The following PTPRT variants were observed in gnomAD, a reference collection of about 807,000 sequenced individuals.
The protein encoded by PTPRT is receptor-type tyrosine-protein phosphatase T.
PTPRT carries 56 observed loss-of-function variants against 176.8 expected under a neutral mutation model. The ratio of observed to expected loss-of-function variants is 0.32; its 90% CI spans 0.26 to 0.40. The LOEUF is 0.40. Among genes scored for constraint, PTPRT ranks in the 10% least tolerant of loss-of-function variants. PTPRT has a pLI of 1.00. For synonymous variants in PTPRT, 783 were observed against 739.0 expected (o/e 1.06, Z -0.96); for missense variants, 1,540 against 1,908.2 (o/e 0.81, Z 3.60).
At chr20:42,532,618 G>C (rs990806074) in intron 7 of PTPRT, among the ~76,000 whole-genome samples, 6 of 152,172 alleles carry the variant, frequency 3.9e-5, no homozygotes, top group African/African-American at 1.4e-4. Flanking sequence ...GTGTTGCCCA[G>C]GTTAGTCTCA....
At chr20:42,667,174 T>C (rs1292366201) in intron 7 of PTPRT, among the ~76,000 whole-genome samples, 2 of 152,206 alleles carry the variant, frequency 1.3e-5, no homozygotes, top group African/African-American at 2.4e-5. Flanking sequence ...AACTGGGCCA[T>C]GGTGCATTAT....
chr20:43,008,545 G>A (rs1459479129), intron 1 of PTPRT, among the ~76,000 whole-genome samples: 1 of 152,018 alleles, frequency 6.6e-6, no homozygotes, highest in African/African-American at 2.4e-5. Context: ...ACAAAAGTTA[G>A]CTGGGCATGG....
chr20:43,047,061 G>A (rs997295415), intron 1 of PTPRT, among the ~76,000 whole-genome samples: 2 of 151,228 alleles, frequency 1.3e-5, no homozygotes, highest in African/African-American at 4.9e-5. Context: ...TTTCAATACC[G>A]CCCTCCCTTC....
intron 6 of PTPRT, among the ~76,000 whole-genome samples, chr20:42,734,058 T>A (rs2076501957): frequency 6.6e-6 from 1 of 152,218 alleles, no homozygotes. Context: ...TCTGAGATGC[T>A]TTTCCCTTAC....
At chr20:42,375,156 G>A (rs1284832126) in intron 9 of PTPRT, among the ~76,000 whole-genome samples, 1 of 152,118 alleles carries the variant, frequency 6.6e-6, no homozygotes, top group Non-Finnish European at 1.5e-5. Flanking sequence ...GTGTGTGTCG[G>A]GGGGACAGGG....
chr20:42,118,497 G>T lies in PTPRT; in HGVS notation c.2888C>A (p.Pro963Gln). 6.2e-7 allele frequency: 1 copy of T among 1,606,048 alleles called. No individual in the cohort carries two copies. Among genetic ancestry groups the T allele is most frequent in the Non-Finnish European group, 8.5e-7 (1 of 1,175,884 alleles). Residue 963 changes from proline (P) to glutamine (Q), a missense_variant, in exon 21 of 31, where the codon CCG becomes CAG. Transcript: ENST00000373187. ...AAAGTCCTTTACAGTCTCCTGCATC[G>T]GACCTGCCAACAGAGAAGACAGTGA... ...RPRHYIATQG[P>Q]MQETVKDFWR...
intron 1 of PTPRT, among the ~76,000 whole-genome samples, chr20:42,944,229 C>T (rs186706983): frequency 1.3e-5 from 2 of 151,902 alleles, no homozygotes; most frequent in African/African-American, 2.4e-5. Flanking sequence ...ATTTTAGAGC[C>T]GGGGGGCGGA....
chr20:42,724,890 A>G (rs1241820086), intron 6 of PTPRT, among the ~76,000 whole-genome samples: 1 of 152,132 alleles, frequency 6.6e-6, no homozygotes, highest in Non-Finnish European at 1.5e-5. Context: ...CAGTGGGCCC[A>G]GATAAATCAG....
At chr20:43,071,475 G>A (rs2011179352) in intron 1 of PTPRT, among the ~76,000 whole-genome samples, 1 of 152,088 alleles carries the variant, frequency 6.6e-6, no homozygotes, top group African/African-American at 2.4e-5. Context: ...TCTGCTTCAG[G>A]GAACCCAGTT....
intron 6 of PTPRT, among the ~76,000 whole-genome samples, chr20:42,718,137 TAC>T (rs763072444): frequency 4.6e-4 from 70 of 152,262 alleles, no homozygotes; most frequent in Non-Finnish European, 9.4e-4. Context: ...ACAGAATATT[TAC>T]AGTCACGTGG....
intron 2 of PTPRT, among the ~76,000 whole-genome samples, chr20:42,879,733 ATGTGTG>A (rs11468460): frequency 2.9e-4 from 43 of 149,078 alleles, no homozygotes; most frequent in East Asian, 2.4e-3. Flanking sequence ...GTTGGGTGAA[ATGTGTG>A]TGTGTGTGTG....
At position 42,959,801 on chromosome 20, in the gene PTPRT, C is replaced by T. The variant is rs150250267; in HGVS notation, c.89-73869G>A. Among the ~76,000 whole-genome samples, 24 of 152,266 alleles carry T rather than the reference C, an allele frequency of 1.6e-4. No individual in the cohort carries two copies. In the East Asian group the frequency reaches 3.9e-3, roughly 25 times the overall value. ...TTCTGTGAACAGCTGACACTGGCTG[C>T]AACTTGCAGAAAGATTTCCTAAGTC... On this transcript the variant is annotated intron_variant, in intron 1 of 30. Transcript: ENST00000373187.
At chr20:42,824,830 T>C (rs993611814) in intron 2 of PTPRT, among the ~76,000 whole-genome samples, 2 of 151,770 alleles carry the variant, frequency 1.3e-5, no homozygotes, top group Admixed American at 1.3e-4. Context: ...CATCAAAAAT[T>C]CTGAAAGCAA....
intron 9 of PTPRT, among the ~76,000 whole-genome samples, chr20:42,358,382 A>T (rs934115284): frequency 8.5e-5 from 13 of 152,188 alleles, no homozygotes; most frequent in Non-Finnish European, 8.8e-5. Flanking sequence ...GCCATGTACT[A>T]AGCTCTAGAG....
chr20:43,173,549 A>G (rs968883463), intron 1 of PTPRT, among the ~76,000 whole-genome samples: 3 of 152,232 alleles, frequency 2.0e-5, no homozygotes, highest in African/African-American at 4.8e-5. Context: ...TGTCCTGTGG[A>G]GAAAGTAAAC....
At position 42,288,447 on chromosome 20, in the gene PTPRT, C is replaced by A. The variant is rs567001239; in HGVS notation, c.2140-5922G>T. Among the ~76,000 whole-genome samples, 3 of 151,930 alleles carry A rather than the reference C, an allele frequency of 2.0e-5. No homozygotes were observed. The South Asian group carries it at 6.2e-4, about 32-fold the overall frequency. ...GCTGAGGTTAGGGCTTCTATTGAACCCATCACCCAAAGAGTGAACAAATGA... is the reference window on the plus strand; with the variant it reads ...GCTGAGGTTAGGGCTTCTATTGAACACATCACCCAAAGAGTGAACAAATGA... On this transcript the variant is annotated intron_variant, in intron 12 of 30. Transcript: ENST00000373187.
At chr20:42,448,166 G>A in intron 9 of PTPRT, 54 bp downstream of exon 9, 1 of 1,356,098 alleles carries the variant, frequency 7.4e-7, no homozygotes, top group Non-Finnish European at 1.1e-6. Context: ...ATGTCAGGCT[G>A]AAGTGACTTG....
intron 7 of PTPRT, among the ~76,000 whole-genome samples, chr20:42,661,075 TC>T (rs2075215199): frequency 6.6e-6 from 1 of 152,100 alleles, no homozygotes; most frequent in African/African-American, 2.4e-5. Flanking sequence ...GGTCTAGAAC[TC>T]CTGACCTTGT....
At chr20:42,791,487 T>C (rs370525923) in intron 2 of PTPRT, 21 bp from the exon 3 acceptor site, 230 of 1,596,566 alleles carry the variant, frequency 1.4e-4, no homozygotes, top group Non-Finnish European at 1.8e-4. Flanking sequence ...ACAAAGCAGG[T>C]GGGAAGTAGA....
Sources: gnomAD v4.1 joint callset for allele counts (sites outside exome capture counted in the v4.1 genomes callset) on GRCh38, gnomAD v4.1.1 for gene constraint, MANE v1.5 for transcripts, NCBI Gene and HGNC (gene_info 2026-07-23, HGNC 2026-07-21) for gene names.